SGCE: variants seen among roughly 807,000 people sequenced by gnomAD.
SGCE encodes the protein sarcoglycan epsilon.
In SGCE, 26 loss-of-function variants were observed where a neutral mutation model predicts 57.8. The ratio of observed to expected loss-of-function variants is 0.45; its 90% CI spans 0.33 to 0.62. The LOEUF is 0.62. Among genes scored for constraint, SGCE ranks in the 20% least tolerant of loss-of-function variants. The pLI is 0.02. For missense variants in SGCE, 468 were observed against 548.6 expected (o/e 0.85, Z 1.47); for synonymous variants, 183 against 189.5 (o/e 0.97, Z 0.28).
chr7:94,600,680 G>A lies in SGCE; in HGVS notation c.1003C>T (p.Leu335Phe), dbSNP rs1799068772. 6.2e-7 allele frequency: 1 copy of A among 1,613,730 alleles called. No individual in the cohort carries two copies. Among genetic ancestry groups the A allele is most frequent in the Non-Finnish European group, 8.5e-7 (1 of 1,179,758 alleles). Residue 335 changes from leucine (L) to phenylalanine (F), a missense_variant, in exon 7 of 11, where the codon CTT becomes TTT. Coordinates refer to ENST00000648936, the MANE Select transcript of SGCE (RefSeq NM_003919.3). Reference protein sequence around the residue: ...SAVALVLFLILAYIMCCRREG... With the variant: ...SAVALVLFLIFAYIMCCRREG... ...CGTCGGCAGCACATGATATAAGCAA[G>A]TATTAGAAAAAGGACCAGTGCCACT...
At chr7:94,650,701 G>C (rs567797742) in intron 1 of SGCE, among the ~76,000 whole-genome samples, 3 of 152,292 alleles carry the variant, frequency 2.0e-5, no homozygotes, top group African/African-American at 7.2e-5. Context: ...GAATATTTCT[G>C]ATATTTAAAG....
intron 1 of SGCE, among the ~76,000 whole-genome samples, chr7:94,634,869 G>A (rs1263772379): frequency 6.6e-6 from 1 of 152,172 alleles, no homozygotes; most frequent in African/African-American, 2.4e-5. Context: ...ACAATTGAAA[G>A]TCTTAATTCA....
intron 1 of SGCE, among the ~76,000 whole-genome samples, chr7:94,630,297 T>G (rs1804488400): frequency 6.6e-6 from 1 of 151,860 alleles, no homozygotes; most frequent in Admixed American, 6.6e-5. Flanking sequence ...CTATACTAAT[T>G]GTTTTCTAGA....
At chr7:94,653,163 A>T (rs1203148899) in intron 1 of SGCE, among the ~76,000 whole-genome samples, 1 of 152,186 alleles carries the variant, frequency 6.6e-6, no homozygotes, top group Admixed American at 6.5e-5. Flanking sequence ...TAAATTCAAC[A>T]GCTTTATAAA....
intron 1 of SGCE, chr7:94,639,231 C>T (rs1261405458): frequency 1.5e-6 from 1 of 675,238 alleles, no homozygotes; most frequent in Non-Finnish European, 2.4e-6. Flanking sequence ...TTCAGACTTA[C>T]TAACAACAAC....
In SGCE at chr7:94,615,409, GATA is replaced by G; in HGVS notation, c.662+3346_662+3348del. ...AGATAGATAGATAGATAGATAGATA[GATA>G]GATAGATAGATAAAGGGCAATTCTG... On this transcript the variant is annotated intron_variant, in intron 5 of 10. Transcript: ENST00000648936. 3.4e-5 allele frequency among the ~76,000 whole-genome samples: 5 copies of G among 146,204 alleles called. No individual in the cohort carries two copies. In the Middle Eastern group the frequency reaches 0.018, roughly 518 times the overall value.
intron 9 of SGCE, chr7:94,589,033 C>G (rs553733716): frequency 2.6e-6 from 1 of 391,418 alleles, no homozygotes; most frequent in East Asian, 5.4e-5. Flanking sequence ...GAAGAAATAG[C>G]CTTGGAGATC....
chr7:94,649,031 A>G (rs926394660), intron 1 of SGCE, among the ~76,000 whole-genome samples: 3 of 152,240 alleles, frequency 2.0e-5, no homozygotes, highest in African/African-American at 7.2e-5. Context: ...TTTTTAAATG[A>G]GCGGCTTCAT....
At chr7:94,607,911 G>C (rs904707714) in intron 5 of SGCE, among the ~76,000 whole-genome samples, 1 of 152,178 alleles carries the variant, frequency 6.6e-6, no homozygotes, top group Non-Finnish European at 1.5e-5. Flanking sequence ...TTACAGCAAC[G>C]TTGCAGGAAT....
rs148979783 is a variant in SGCE at position 94,618,814 on chromosome 7, T to C, written c.606A>G (p.Thr202=). 1.6e-4 allele frequency: 257 copies of C among 1,614,112 alleles called. 1 individual carries two copies. In the African/African-American group the frequency reaches 2.7e-3, roughly 17 times the overall value. Reference sequence around the variant, plus strand: ...CCCTGCCACCCCTGTCTAGGGCCGATGTGATGTTTATGGCGTTCAGGCGCT... The same window carrying C: ...CCCTGCCACCCCTGTCTAGGGCCGACGTGATGTTTATGGCGTTCAGGCGCT... ...QPERLNAINI[T]SALDRGGRVP... is the part of the protein sequence containing the mutation. Residue 202 remains threonine, a synonymous_variant, in exon 5 of 11, where the codon ACA becomes ACG. Coordinates refer to ENST00000648936, the MANE Select transcript of SGCE (RefSeq NM_003919.3).
At chr7:94,652,179 C>T (rs1230436845) in intron 1 of SGCE, among the ~76,000 whole-genome samples, 1 of 152,106 alleles carries the variant, frequency 6.6e-6, no homozygotes, top group Non-Finnish European at 1.5e-5. Context: ...GCGATCTCCC[C>T]TCCAGCCCAA....
At chr7:94,621,113 G>C (rs976469359) in intron 4 of SGCE, 7 of 152,278 alleles carry the variant, frequency 4.6e-5, no homozygotes, top group African/African-American at 1.7e-4. Flanking sequence ...GAGTTGGACA[G>C]AGCATGATTA....
intron 10 of SGCE, chr7:94,587,273 G>A (rs1797032516): frequency 1.0e-6 from 1 of 987,184 alleles, no homozygotes; most frequent in South Asian, 4.7e-5. Flanking sequence ...TAAACAAATT[G>A]CCCTAATATC....
At chr7:94,585,560 T>A in intron 10 of SGCE, 45 bp from the exon 11 acceptor site, 1 of 1,351,402 alleles carries the variant, frequency 7.4e-7, no homozygotes, top group Non-Finnish European at 1.1e-6. Context: ...AGTCAGGGCA[T>A]GGATACTTTT....
chr7:94,611,772 GTGTTCGAGAATA>G (rs1447686187), intron 5 of SGCE, among the ~76,000 whole-genome samples: 2 of 152,142 alleles, frequency 1.3e-5, no homozygotes, highest in African/African-American at 4.8e-5. Flanking sequence ...GATGACAACT[GTGTTCGAGAATA>G]TGTTCACACA....
intron 9 of SGCE, chr7:94,590,876 A>G (rs1797581161): frequency 6.6e-6 from 1 of 152,198 alleles, no homozygotes. Context: ...ACAACAATCT[A>G]AAGTGGAAAA....
At chr7:94,643,089 T>C (rs1806621162) in intron 1 of SGCE, among the ~76,000 whole-genome samples, 1 of 152,214 alleles carries the variant, frequency 6.6e-6, no homozygotes, top group Non-Finnish European at 1.5e-5. Flanking sequence ...TTATTCTAGC[T>C]CAGTGGTTCT....
intron 5 of SGCE, among the ~76,000 whole-genome samples, chr7:94,613,857 A>G (rs1251319125): frequency 1.3e-5 from 2 of 152,152 alleles, no homozygotes; most frequent in Admixed American, 6.6e-5. Context: ...CAGCAGCACA[A>G]AACTTCCTGC....
chr7:94,636,659 T>G (rs2117021266), intron 1 of SGCE, among the ~76,000 whole-genome samples: 1 of 152,330 alleles, frequency 6.6e-6, no homozygotes, highest in East Asian at 1.9e-4. Flanking sequence ...TCCTTATTGC[T>G]TTTGTAACCA....
Sources: gnomAD v4.1 joint callset for allele counts (sites outside exome capture counted in the v4.1 genomes callset) on GRCh38, gnomAD v4.1.1 for gene constraint, MANE v1.5 for transcripts, NCBI Gene and HGNC (gene_info 2026-07-23, HGNC 2026-07-21) for gene names.